MAP4K1: variants seen among roughly 807,000 people sequenced by gnomAD.
MAP4K1 encodes mitogen-activated protein kinase kinase kinase kinase 1.
In MAP4K1, 35 loss-of-function variants were observed where a neutral mutation model predicts 122.8. The observed-to-expected ratio is 0.29, with a 90% CI of 0.22 to 0.38. MAP4K1 has a LOEUF of 0.38. MAP4K1 is among the 10% of genes least tolerant of loss of function. The probability of loss-of-function intolerance (pLI) is 1.00; values close to 1 mark genes in which losing one functional copy is unlikely to be tolerated. For synonymous variants in MAP4K1, 412 were observed against 421.3 expected, an observed-to-expected ratio of 0.98 and a Z score of 0.27; for missense variants, 791 against 1,072.6, an observed-to-expected ratio of 0.74 and a Z score of 3.67.
chr19:38,601,739 T>C, intron 19 of MAP4K1: 1 of 533,038 alleles, frequency 1.9e-6, no homozygotes, highest in Non-Finnish European at 3.3e-6. Context: ...TGTTGTTATA[T>C]ATTTCTTTTT....
At chr19:38,613,640 T>A (rs954725299) in intron 8 of MAP4K1, among the ~76,000 whole-genome samples, 3 of 146,734 alleles carry the variant, frequency 2.0e-5, no homozygotes, top group Admixed American at 6.7e-5. Flanking sequence ...GAAATGGATA[T>A]GGAGGGACAG....
chr19:38,595,053 G>C (rs1974830879), intron 29 of MAP4K1, among the ~76,000 whole-genome samples: 1 of 152,074 alleles, frequency 6.6e-6, no homozygotes, highest in Admixed American at 6.6e-5. Context: ...GGGAGGCCAA[G>C]GCGGGTGAAT....
intron 19 of MAP4K1, among the ~76,000 whole-genome samples, chr19:38,603,137 C>G (rs1234372715): frequency 6.9e-6 from 1 of 144,862 alleles, no homozygotes; most frequent in Non-Finnish European, 1.5e-5. Context: ...TACGCATATA[C>G]ATATATACAC....
chr19:38,606,816 T>C (rs554351414), intron 16 of MAP4K1, among the ~76,000 whole-genome samples: 2 of 152,296 alleles, frequency 1.3e-5, no homozygotes, highest in East Asian at 3.9e-4. Context: ...ACAGGTGACA[T>C]CAGCGCCGTG....
intron 4 of MAP4K1, among the ~76,000 whole-genome samples, chr19:38,615,121 G>T (rs1320714149): frequency 6.6e-6 from 1 of 151,922 alleles, no homozygotes; most frequent in African/African-American, 2.4e-5. Context: ...GTGACAGTGG[G>T]TGAAGACATG....
chr19:38,587,707 G>C lies in MAP4K1; in HGVS notation c.*41C>G, dbSNP rs113000039. On this transcript the variant is annotated 3_prime_UTR_variant, in exon 31 of 31. Coordinates refer to ENST00000396857, the MANE Select transcript of MAP4K1 (RefSeq NM_001042600.3). ...CATGACCACTAGTGTGTCTATGGGG[G>C]AGGGGGTGCAAGGACTAGTTCCTGA... The C allele has an allele frequency of 1.7e-3, 2,388 of 1,439,774 alleles. 24 individuals are homozygous for C. The highest frequency in any genetic ancestry group is 0.012 in the South Asian group (1,050 of 87,472). 89.2% of individuals were successfully genotyped at this position (1,439,774 alleles called of 1,614,324 possible).
chr19:38,606,897 T>C (rs1975345726), intron 16 of MAP4K1, among the ~76,000 whole-genome samples: 1 of 152,078 alleles, frequency 6.6e-6, no homozygotes, highest in African/African-American at 2.4e-5. Context: ...TGCGCGCACC[T>C]GGATGGAGCC....
intron 30 of MAP4K1, chr19:38,589,313 C>A: frequency 3.8e-6 from 1 of 265,168 alleles, no homozygotes; most frequent in Non-Finnish European, 7.7e-6. Flanking sequence ...AAAACAACAA[C>A]AAAAGACAAA....
At chr19:38,599,587 G>A (rs768314362) in intron 22 of MAP4K1, among the ~76,000 whole-genome samples, 7 of 152,096 alleles carry the variant, frequency 4.6e-5, no homozygotes, top group Non-Finnish European at 7.4e-5. Context: ...ACTTGAACCT[G>A]GGAGGCAGAG....
At chr19:38,606,244 G>A (rs770267627) in intron 16 of MAP4K1, 29 bp from the exon 17 acceptor site, 1 of 1,246,234 alleles carries the variant, frequency 8.0e-7, no homozygotes, top group Non-Finnish European at 1.1e-6. Context: ...TTAAATAGCT[G>A]GGGGGCTGGG....
Position 38,595,515 on chromosome 19 carries a change from T to G in MAP4K1, c.2310A>C (p.Gly770=). The G allele has an allele frequency of 6.2e-7, 1 of 1,614,056 alleles. No homozygotes were observed. The highest frequency in any genetic ancestry group is 1.1e-5 in the South Asian group (1 of 91,086). ...GGQLQAFWKH[G]VQVWALGSDQ... is the part of the protein sequence containing the mutation. ...CCGAGCCTAGAGCCCACACCTGCAC[T>G]CCATGCTTCCAGAAGGCCTGAAGCT... Residue 770 remains glycine, a synonymous_variant, in exon 29 of 31, where the codon GGA becomes GGC. Coordinates refer to ENST00000396857, the MANE Select transcript of MAP4K1 (RefSeq NM_001042600.3).
chr19:38,613,813 G>A, intron 8 of MAP4K1, 67 bp downstream of exon 8: 18 of 1,287,458 alleles, frequency 1.4e-5, no homozygotes, highest in Non-Finnish European at 1.9e-5. Context: ...GAGGATCCCG[G>A]GGAACCAGGG....
In MAP4K1 at chr19:38,617,787, G is replaced by A. The variant is rs1004256676; in HGVS notation, c.99+10C>T. On this transcript the variant is annotated intron_variant, in intron 1 of 30. Coordinates refer to ENST00000396857, the MANE Select transcript of MAP4K1 (RefSeq NM_001042600.3). The surrounding 1 kb of genome is among the most constrained non-coding windows in gnomAD (Gnocchi z 4.1). ...GTTGTAGGGTGTTGGGGACAGAGGG[G>A]CTTCCTCACCTTAAAGACTTCCCCA... 23 of 1,613,892 alleles carry A rather than the reference G, an allele frequency of 1.4e-5. No homozygotes were observed. Among genetic ancestry groups the A allele is most frequent in the Non-Finnish European group, 1.9e-5 (23 of 1,179,814 alleles).
chr19:38,596,676 C>T (rs938436967), intron 25 of MAP4K1, among the ~76,000 whole-genome samples, 190 bp from the exon 26 acceptor site: 1 of 152,164 alleles, frequency 6.6e-6, no homozygotes, highest in Non-Finnish European at 1.5e-5. Context: ...GTGGGTGTGG[C>T]TTCCATGTGG....
Position 38,601,717 on chromosome 19 carries a change from G to GT in MAP4K1, c.1447-193dup, listed in dbSNP as rs375096035. ...TGAGTTTTCTTTTCAGTTTGTTTTT[G>GT]TTTTTTTTTGTTGTTGTTATATATT... On this transcript the variant is annotated intron_variant, in intron 19 of 30. Coordinates refer to ENST00000396857, the MANE Select transcript of MAP4K1 (RefSeq NM_001042600.3). 4.5e-3 allele frequency: 2,328 copies of GT among 514,452 alleles called. 1 individual carries two copies. The highest frequency in any genetic ancestry group is 9.8e-3 in the Middle Eastern group (19 of 1,944). The allele number at this position is 514,452 out of a possible 1,614,324, so 31.9% of individuals were successfully genotyped here. A position where few individuals can be genotyped will look rare whatever the true frequency, so the allele number is the denominator to read the frequency against.
At chr19:38,588,599 A>G (rs1016456937) in intron 30 of MAP4K1, among the ~76,000 whole-genome samples, 4 of 144,342 alleles carry the variant, frequency 2.8e-5, no homozygotes, top group Non-Finnish European at 6.0e-5. Flanking sequence ...AAATACAAAA[A>G]AAAATTAGCC....
chr19:38,605,534 C>T (rs559927235), intron 18 of MAP4K1, 34 bp downstream of exon 18: 3 of 1,460,148 alleles, frequency 2.1e-6, no homozygotes, highest in South Asian at 2.5e-5. Flanking sequence ...GAACCCCCAA[C>T]CCTCCCGCCC....
chr19:38,611,357 C>T, intron 9 of MAP4K1, 52 bp from the exon 10 acceptor site: 2 of 1,277,872 alleles, frequency 1.6e-6, no homozygotes, highest in Non-Finnish European at 2.3e-6. Context: ...GGGGCCAGAC[C>T]TCATGGCTTG....
chr19:38,598,259 G>C (rs1243150463), intron 22 of MAP4K1, among the ~76,000 whole-genome samples: 1 of 152,052 alleles, frequency 6.6e-6, no homozygotes, highest in East Asian at 1.9e-4. Flanking sequence ...TCGAACTACT[G>C]ACCTCAGGTG....
Sources: gnomAD v4.1 joint callset for allele counts (sites outside exome capture counted in the v4.1 genomes callset) on GRCh38, gnomAD v4.1.1 for gene constraint, Gnocchi (gnomAD v3.1) non-coding constraint, MANE v1.5 for transcripts, NCBI Gene and HGNC (gene_info 2026-07-23, HGNC 2026-07-21) for gene names.